Variants in LAMA2 observed in about 807,000 individuals in gnomAD.
LAMA2 encodes the protein laminin subunit alpha 2, also known as laminin subunit alpha-2.
LAMA2 carries 269 observed loss-of-function variants against 364.8 expected under a neutral mutation model. The observed-to-expected ratio is 0.74, with a 90% CI of 0.67 to 0.82. LAMA2 has a LOEUF of 0.82. Among genes scored for constraint, LAMA2 ranks in the 40% least tolerant of loss-of-function variants. LAMA2 has a pLI of 0.00. For missense variants in LAMA2, 3,807 were observed against 3,873.2 expected, an observed-to-expected ratio of 0.98 and a Z score of 0.45; for synonymous variants, 1,379 against 1,370.6, an observed-to-expected ratio of 1.01 and a Z score of -0.14.
chr6:129,174,094 A>C (rs185383020), intron 9 of LAMA2, among the ~76,000 whole-genome samples: 1 of 152,162 alleles, frequency 6.6e-6, no homozygotes, highest in East Asian at 1.9e-4. Flanking sequence ...ACTTATAATA[A>C]TGATACCAAC....
intron 1 of LAMA2, among the ~76,000 whole-genome samples, chr6:129,009,925 T>C (rs1299616866): frequency 1.3e-5 from 2 of 152,110 alleles, no homozygotes; most frequent in Admixed American, 1.3e-4. Flanking sequence ...ATATTAAAGG[T>C]GAGATTAAAA....
intron 41 of LAMA2, among the ~76,000 whole-genome samples, chr6:129,430,468 T>G (rs764732889): frequency 2.6e-5 from 4 of 152,236 alleles, no homozygotes; most frequent in Non-Finnish European, 5.9e-5. Context: ...TTTTTAATTT[T>G]TGAATATACA....
At chr6:129,085,957 C>T (rs1456830896) in intron 3 of LAMA2, among the ~76,000 whole-genome samples, 1 of 152,184 alleles carries the variant, frequency 6.6e-6, no homozygotes, top group Non-Finnish European at 1.5e-5. Flanking sequence ...ATCTCCTCTC[C>T]TTGTTTTTAA....
At chr6:129,226,077 A>G (rs988473699) in intron 12 of LAMA2, among the ~76,000 whole-genome samples, 2 of 151,934 alleles carry the variant, frequency 1.3e-5, no homozygotes, top group Non-Finnish European at 2.9e-5. Context: ...TGATCCCTTT[A>G]CCATTATGTA....
At chr6:129,255,844 AT>A (rs1363080417) in intron 14 of LAMA2, among the ~76,000 whole-genome samples, 1 of 152,172 alleles carries the variant, frequency 6.6e-6, no homozygotes, top group African/African-American at 2.4e-5. Flanking sequence ...TTTTGAAGAC[AT>A]TTTACTGATA....
intron 3 of LAMA2, among the ~76,000 whole-genome samples, chr6:129,080,297 C>T (rs554669190): frequency 5.1e-4 from 77 of 152,170 alleles, no homozygotes; most frequent in African/African-American, 1.6e-3. Context: ...CAAAGCCTGC[C>T]GTGTATACTC....
At chr6:128,918,392 A>G (rs1778481984) in intron 1 of LAMA2, among the ~76,000 whole-genome samples, 1 of 152,222 alleles carries the variant, frequency 6.6e-6, no homozygotes, top group African/African-American at 2.4e-5. Context: ...AAAACCTAAT[A>G]CATTTTTATC....
chr6:128,942,268 AT>A (rs1265056106), intron 1 of LAMA2, among the ~76,000 whole-genome samples: 5 of 152,096 alleles, frequency 3.3e-5, no homozygotes, highest in African/African-American at 9.7e-5. Flanking sequence ...TGAAAAAAAA[AT>A]CTCTATAAAT....
At chr6:129,235,702 G>A (rs1047506548) in intron 12 of LAMA2, among the ~76,000 whole-genome samples, 6 of 152,044 alleles carry the variant, frequency 3.9e-5, no homozygotes, top group African/African-American at 1.4e-4. Flanking sequence ...TGGGAATTGG[G>A]GAACTTAGTA....
chr6:129,272,847 C>T (rs1788038823), intron 17 of LAMA2, among the ~76,000 whole-genome samples: 2 of 152,230 alleles, frequency 1.3e-5, no homozygotes, highest in Middle Eastern at 3.4e-3. Flanking sequence ...TTGTATGCTC[C>T]TTATGAGAGT....
chr6:129,024,327 T>A (rs895483456), intron 1 of LAMA2, among the ~76,000 whole-genome samples: 1 of 151,404 alleles, frequency 6.6e-6, no homozygotes, highest in African/African-American at 2.4e-5. Flanking sequence ...CAGAGTTATG[T>A]CCAAGGAACA....
chr6:128,910,941 G>C (rs927909357), intron 1 of LAMA2, among the ~76,000 whole-genome samples: 4 of 151,580 alleles, frequency 2.6e-5, no homozygotes, highest in Admixed American at 6.6e-5. Flanking sequence ...CTCCCAGTTA[G>C]GCTGCTCGGG....
chr6:129,286,423 G>A (rs567301497), intron 18 of LAMA2, among the ~76,000 whole-genome samples: 27 of 149,792 alleles, frequency 1.8e-4, no homozygotes, highest in Admixed American at 1.5e-3. Context: ...CTGCACACCT[G>A]TAGCAGTAAG....
intron 36 of LAMA2, 106 bp from the exon 37 acceptor site, chr6:129,392,939 T>C: frequency 1.1e-6 from 1 of 897,612 alleles, no homozygotes; most frequent in Non-Finnish European, 1.7e-6. Context: ...TCTTATTTTC[T>C]CATTCTTTTC....
intron 35 of LAMA2, among the ~76,000 whole-genome samples, chr6:129,384,970 A>G (rs1778897461): frequency 6.9e-6 from 1 of 144,422 alleles, no homozygotes; most frequent in African/African-American, 2.5e-5. Context: ...TCAAATTTAA[A>G]TTGTACCAGA....
chr6:128,982,559 TA>T (rs1385933580), intron 1 of LAMA2, among the ~76,000 whole-genome samples: 3 of 152,080 alleles, frequency 2.0e-5, no homozygotes, highest in African/African-American at 7.2e-5. Context: ...CTGTTGTTTT[TA>T]TTTACCTTTT....
chr6:129,439,150 G>C (rs1013276508), intron 42 of LAMA2, among the ~76,000 whole-genome samples: 2 of 151,542 alleles, frequency 1.3e-5, no homozygotes, highest in Admixed American at 1.3e-4. Flanking sequence ...CCTATGCATA[G>C]CCTCCCATAT....
At chr6:129,095,126 T>C (rs1227304963) in intron 3 of LAMA2, among the ~76,000 whole-genome samples, 1 of 152,240 alleles carries the variant, frequency 6.6e-6, no homozygotes, top group East Asian at 1.9e-4. Context: ...CTCATTTGCC[T>C]GAAGAATACT....
intron 37 of LAMA2, among the ~76,000 whole-genome samples, chr6:129,400,392 A>C (rs1779902424): frequency 6.6e-6 from 1 of 152,202 alleles, no homozygotes. Flanking sequence ...GATTGGAATA[A>C]CAAAATGCTT....
Sources: gnomAD v4.1 joint callset for allele counts (sites outside exome capture counted in the v4.1 genomes callset) on GRCh38, gnomAD v4.1.1 for gene constraint, MANE v1.5 for transcripts, NCBI Gene and HGNC (gene_info 2026-07-23, HGNC 2026-07-21) for gene names.